SSBP3: variants seen among roughly 807,000 people sequenced by gnomAD.
SSBP3 encodes single stranded DNA binding protein 3.
SSBP3 carries 5 observed loss-of-function variants against 69.6 expected under a neutral mutation model. The ratio of observed to expected loss-of-function variants is 0.07; its 90% CI spans 0.04 to 0.15. The LOEUF (loss-of-function observed/expected upper bound fraction) is 0.15, where lower values mean the gene tolerates loss of function less well. Ranked by LOEUF, SSBP3 falls within the 10% of genes least tolerant of loss-of-function variation. The probability of loss-of-function intolerance (pLI) is 1.00; values close to 1 mark genes in which losing one functional copy is unlikely to be tolerated. For synonymous variants in SSBP3, 196 were observed against 193.4 expected, an observed-to-expected ratio of 1.01 and a Z score of -0.11; for missense variants, 312 against 534.0, an observed-to-expected ratio of 0.58 and a Z score of 4.10.
At chr1:54,352,948 C>A (rs916608401) in intron 4 of SSBP3, among the ~76,000 whole-genome samples, 2 of 152,222 alleles carry the variant, frequency 1.3e-5, no homozygotes, top group African/African-American at 4.8e-5. Context: ...GAGCCGACGC[C>A]GGGCCCCTCA....
At chr1:54,285,252 C>T (rs1302414836) in intron 4 of SSBP3, among the ~76,000 whole-genome samples, 1 of 152,112 alleles carries the variant, frequency 6.6e-6, no homozygotes, top group African/African-American at 2.4e-5. Context: ...AAGCAGCAAC[C>T]AGTGGTATAG....
intron 4 of SSBP3, among the ~76,000 whole-genome samples, chr1:54,385,179 GGCACTTAGGA>G (rs1455895137): frequency 6.6e-6 from 1 of 152,194 alleles, no homozygotes; most frequent in Non-Finnish European, 1.5e-5. Flanking sequence ...TAGGGAAGCT[GGCACTTAGGA>G]AGAGAAAGAT....
chr1:54,228,060 G>A (rs571106694), intron 17 of SSBP3, among the ~76,000 whole-genome samples, 195 bp downstream of exon 17: 1 of 152,322 alleles, frequency 6.6e-6, no homozygotes, highest in East Asian at 1.9e-4. Context: ...GCCTCCAGAA[G>A]GCCCCACCAG....
intron 4 of SSBP3, among the ~76,000 whole-genome samples, chr1:54,318,985 T>C (rs1646165393): frequency 6.6e-6 from 1 of 152,096 alleles, no homozygotes; most frequent in Non-Finnish European, 1.5e-5. Flanking sequence ...ATGAGCGAAT[T>C]GAGGCTTGGA....
At chr1:54,259,344 C>T (rs1644977917) in intron 5 of SSBP3, among the ~76,000 whole-genome samples, 3 of 152,134 alleles carry the variant, frequency 2.0e-5, no homozygotes, top group Middle Eastern at 3.4e-3. Flanking sequence ...CTTTCATGAA[C>T]CCCGGTTTTG....
At chr1:54,229,656 C>G (rs1435993358) in intron 14 of SSBP3, among the ~76,000 whole-genome samples, 1 of 152,176 alleles carries the variant, frequency 6.6e-6, no homozygotes, top group Non-Finnish European at 1.5e-5. Flanking sequence ...AAGGTCACAT[C>G]CCACAGCCAC....
chr1:54,267,129 A>T (rs1456028324), intron 5 of SSBP3, among the ~76,000 whole-genome samples: 3 of 152,230 alleles, frequency 2.0e-5, no homozygotes, highest in African/African-American at 7.2e-5. Flanking sequence ...CATCTCAGCC[A>T]GGAAAAGGCT....
chr1:54,250,937 G>C (rs926203685), intron 9 of SSBP3, among the ~76,000 whole-genome samples: 6 of 152,174 alleles, frequency 3.9e-5, no homozygotes, highest in African/African-American at 9.7e-5. Flanking sequence ...TGTTGTGACC[G>C]TAAGAGGTAT....
intron 4 of SSBP3, among the ~76,000 whole-genome samples, chr1:54,381,147 G>A (rs1037695677): frequency 2.6e-5 from 4 of 152,022 alleles, no homozygotes; most frequent in African/African-American, 7.2e-5. Context: ...CACTCTGGGA[G>A]GCCGAGGCTG....
At chr1:54,355,784 A>C (rs753367811) in intron 4 of SSBP3, among the ~76,000 whole-genome samples, 7 of 152,180 alleles carry the variant, frequency 4.6e-5, no homozygotes, top group Non-Finnish European at 8.8e-5. Context: ...GAAGGCGGCT[A>C]TTGTATGCAG....
intron 4 of SSBP3, among the ~76,000 whole-genome samples, chr1:54,345,321 A>G (rs1309935501): frequency 6.6e-6 from 1 of 152,174 alleles, no homozygotes; most frequent in Non-Finnish European, 1.5e-5. Flanking sequence ...TTCCAATAAA[A>G]CAGTTCCCAG....
chr1:54,320,969 G>C (rs574521465), intron 4 of SSBP3, among the ~76,000 whole-genome samples: 1 of 152,322 alleles, frequency 6.6e-6, no homozygotes, highest in Non-Finnish European at 1.5e-5. Flanking sequence ...ATAACCTGGA[G>C]CTCAGTTGCA....
intron 4 of SSBP3, among the ~76,000 whole-genome samples, chr1:54,291,604 T>C (rs1408265840): frequency 1.3e-5 from 2 of 152,266 alleles, no homozygotes; most frequent in Non-Finnish European, 2.9e-5. Flanking sequence ...CAGCGTCCTT[T>C]GGTACTGCTG....
At chr1:54,376,188 G>A (rs979817289) in intron 4 of SSBP3, among the ~76,000 whole-genome samples, 4 of 149,498 alleles carry the variant, frequency 2.7e-5, no homozygotes, top group East Asian at 2.1e-4. Context: ...GCGTGCATGC[G>A]TGGGTGTGTG....
At chr1:54,373,048 G>C (rs1162624925) in intron 4 of SSBP3, among the ~76,000 whole-genome samples, 1 of 152,220 alleles carries the variant, frequency 6.6e-6, no homozygotes, top group Non-Finnish European at 1.5e-5. Context: ...CCAACGGGCT[G>C]TGCACGCGTG....
intron 14 of SSBP3, among the ~76,000 whole-genome samples, chr1:54,233,264 C>T (rs1470699137): frequency 1.3e-5 from 2 of 151,110 alleles, no homozygotes; most frequent in African/African-American, 4.9e-5. Context: ...CGCCTCTGCC[C>T]GGCCGCGACC....
exon 15 of SSBP3, chr1:54,228,779 G>A: frequency 6.2e-7 from 1 of 1,609,894 alleles, no homozygotes; most frequent in Non-Finnish European, 8.5e-7. Flanking sequence ...GTGGCTCCAT[G>A]CCACCCATGC....
chr1:54,374,282 C>T (rs1382081966), intron 4 of SSBP3, among the ~76,000 whole-genome samples: 1 of 152,226 alleles, frequency 6.6e-6, no homozygotes, highest in Non-Finnish European at 1.5e-5. Flanking sequence ...GCCAGGAGGC[C>T]TGCAGCCTGC....
intron 4 of SSBP3, among the ~76,000 whole-genome samples, chr1:54,324,433 C>T (rs4927090): frequency 0.046 from 6,961 of 151,986 alleles, 369 homozygotes; most frequent in East Asian, 0.16. Context: ...CCCCCACACC[C>T]CTACAGAACA....
Sources: gnomAD v4.1 joint callset for allele counts (sites outside exome capture counted in the v4.1 genomes callset) on GRCh38, gnomAD v4.1.1 for gene constraint, MANE v1.5 for transcripts, NCBI Gene and HGNC (gene_info 2026-07-23, HGNC 2026-07-21) for gene names.